The following RANGAP1 variants were observed in gnomAD, a reference collection of about 807,000 sequenced individuals.
The protein encoded by RANGAP1 is ran GTPase-activating protein 1.
A neutral mutation model predicts 63.5 loss-of-function variants in RANGAP1; 38 were observed. The observed-to-expected ratio is 0.60, with a 90% CI of 0.46 to 0.78. The LOEUF is 0.78. RANGAP1 is among the 30% of genes least tolerant of loss of function. RANGAP1 has a pLI of 0.00. For missense variants in RANGAP1, 630 were observed against 740.3 expected (o/e 0.85, Z 1.73); for synonymous variants, 329 against 310.5 (o/e 1.06, Z -0.63).
At chr22:41,290,489 A>G (rs958844846), upstream of RANGAP1, among the ~76,000 whole-genome samples, 3 of 152,078 alleles carry the variant, frequency 2.0e-5, no homozygotes, top group African/African-American at 7.2e-5. Context: ...TTGGCTTCCC[A>G]AAGTGCTGGG....
At chr22:41,280,728 T>A (rs1799297185) in intron 2 of RANGAP1, 1 of 1,509,096 alleles carries the variant, frequency 6.6e-7, no homozygotes, top group African/African-American at 1.4e-5. Flanking sequence ...GGATGCCCAA[T>A]ACAAACATGG....
Position 41,264,964 on chromosome 22 carries a change from A to C in RANGAP1, c.301-121T>G, listed in dbSNP as rs577203870. On this transcript the variant is annotated intron_variant, in intron 4 of 15. Coordinates refer to ENST00000356244, the MANE Select transcript of RANGAP1 (RefSeq NM_002883.4). ...ACCCCGGCTGGTGCAGAACCAACAC[A>C]GACACAAACCATTTCAGTATTCTTA... 7.6e-6 allele frequency: 7 copies of C among 920,622 alleles called. No individual in the cohort carries two copies. In the African/African-American group the frequency reaches 1.2e-4, roughly 15 times the overall value. The allele number at this position is 920,622 out of a possible 1,614,324, so 57.0% of individuals were successfully genotyped here. A position where few individuals can be genotyped will look rare whatever the true frequency, so the allele number is the denominator to read the frequency against.
intron 5 of RANGAP1, 78 bp downstream of exon 5, chr22:41,264,586 G>T: frequency 1.4e-6 from 2 of 1,469,058 alleles, no homozygotes; most frequent in Non-Finnish European, 1.8e-6. Context: ...GATGGTGGTG[G>T]CCAAGGGCCA....
intron 6 of RANGAP1, among the ~76,000 whole-genome samples, chr22:41,261,059 G>A (rs2034138561): frequency 6.6e-6 from 1 of 152,178 alleles, no homozygotes; most frequent in Admixed American, 6.5e-5. Flanking sequence ...TCCCTGTCTT[G>A]GAGGTCTGGT....
chr22:41,281,267 G>T, intron 1 of RANGAP1, 185 bp from the exon 2 acceptor site: 1 of 795,894 alleles, frequency 1.3e-6, no homozygotes, highest in Non-Finnish European at 1.8e-6. Flanking sequence ...GGTGCAGGAG[G>T]TAGTAAAAGA....
intron 3 of RANGAP1, among the ~76,000 whole-genome samples, chr22:41,269,887 G>A (rs999430965): frequency 6.6e-6 from 1 of 152,168 alleles, no homozygotes; most frequent in Non-Finnish European, 1.5e-5. Context: ...AGGCTGGAGT[G>A]CAGTGGAGCA....
chr22:41,254,802 C>T (rs572888953), intron 10 of RANGAP1: 10 of 264,702 alleles, frequency 3.8e-5, no homozygotes, highest in Non-Finnish European at 5.3e-5. Flanking sequence ...GAAACCCCGT[C>T]TCTACTAAAA....
At chr22:41,298,437 C>T in the RANGAP1 span, among the ~76,000 whole-genome samples, 1 of 152,126 alleles carries the variant, frequency 6.6e-6, no homozygotes, top group African/African-American at 2.4e-5. Flanking sequence ...GCCTTAGCCT[C>T]CTGAGGAGCT....
rs549040684 is a variant in RANGAP1 at position 41,281,632 on chromosome 22, G to T, written c.-38-550C>A. 4.5e-5 allele frequency: 44 copies of T among 986,722 alleles called. No individual in the cohort carries two copies. The Admixed American group carries it at 7.3e-4, about 16-fold the overall frequency. The allele number at this position is 986,722 out of a possible 1,614,324, so 61.1% of individuals were successfully genotyped here. A position where few individuals can be genotyped will look rare whatever the true frequency, so the allele number is the denominator to read the frequency against. On this transcript the variant is annotated intron_variant, in intron 1 of 15. Transcript: ENST00000356244. ...TGCACGTCTGGTTTCAACCGTGGCC[G>T]GGAGACTGGGCAGGCCACAATGGCC...
the RANGAP1 span, among the ~76,000 whole-genome samples, chr22:41,301,181 G>A: frequency 6.6e-6 from 1 of 152,050 alleles, no homozygotes; most frequent in Non-Finnish European, 1.5e-5. Flanking sequence ...AGGGCACAAC[G>A]CAACCAGGGT....
At chr22:41,296,206 C>A in the RANGAP1 span, among the ~76,000 whole-genome samples, 1 of 151,876 alleles carries the variant, frequency 6.6e-6, no homozygotes, top group South Asian at 2.1e-4. Flanking sequence ...AAAATAATAA[C>A]CTAAGCAAAT....
In RANGAP1 at chr22:41,257,752, G is replaced by A. The variant is rs993565565; in HGVS notation, c.774+196C>T. 1.3e-5 allele frequency among the ~76,000 whole-genome samples: 2 copies of A among 152,246 alleles called. No homozygotes were observed. Among genetic ancestry groups the A allele is most frequent in the South Asian group, 2.1e-4 (1 of 4,830 alleles). ...GTGGCATGAAGAATCAGAGCTGCCC[G>A]AGGAGGGCGTGGGTTACCTTGGGAC... is the stretch of plus-strand genomic sequence containing the variant. On this transcript the variant is annotated intron_variant, in intron 7 of 15. Transcript: ENST00000356244. The surrounding 1 kb of genome is among the most constrained non-coding windows in gnomAD (Gnocchi z 4.0).
intron 10 of RANGAP1, 42 bp downstream of exon 10, chr22:41,255,979 A>G: frequency 6.4e-7 from 1 of 1,563,936 alleles, no homozygotes. Context: ...AAAGAAAGGA[A>G]TGGCCTGACC....
intron 13 of RANGAP1, 23 bp from the exon 14 acceptor site, chr22:41,249,840 G>C: frequency 6.3e-7 from 1 of 1,593,434 alleles, no homozygotes; most frequent in Non-Finnish European, 8.6e-7. Context: ...AGCAGCAGGG[G>C]CAGGCTGCTG....
At chr22:41,249,695 T>C in intron 14 of RANGAP1, 34 bp downstream of exon 14, 1 of 1,588,592 alleles carries the variant, frequency 6.3e-7, no homozygotes, top group South Asian at 1.1e-5. Context: ...CCCACCCACC[T>C]CCCTCCCGGG....
intron 3 of RANGAP1, among the ~76,000 whole-genome samples, chr22:41,274,119 T>G (rs1329103500): frequency 6.6e-6 from 1 of 152,148 alleles, no homozygotes; most frequent in African/African-American, 2.4e-5. Flanking sequence ...GCGAGGAGTG[T>G]AGGGAGCTGG....
In RANGAP1 at chr22:41,274,612, C is replaced by G; in HGVS notation, c.228G>C (p.Lys76Asn). 1 of 1,614,104 alleles carries G rather than the reference C, an allele frequency of 6.2e-7. No homozygotes were observed. Among genetic ancestry groups the G allele is most frequent in the Non-Finnish European group, 8.5e-7 (1 of 1,179,974 alleles). The change falls in exon 3 of 16, where the codon AAG becomes AAC. Residue 76 changes from lysine to asparagine, a missense_variant. Physicochemically the swap from Lys to Asn is moderately conservative, Grantham distance 94. Transcript: ENST00000356244. ...ARVIAKALEK[K>N]SELKRCHWSD... ...CCACTCTGCTCACCTTCAACTCCGA[C>G]TTCTTCTCTAAGGCCTTGGCGATGA...
At chr22:41,261,684 G>A (rs544686567) in intron 5 of RANGAP1, 104 bp from the exon 6 acceptor site, 77 of 1,449,046 alleles carry the variant, frequency 5.3e-5, no homozygotes, top group African/African-American at 8.4e-5. Context: ...GCCACCCATC[G>A]GTGCAGGTCA....
chr22:41,286,386 T>G (rs1360959276), upstream of RANGAP1: 1 of 152,312 alleles, frequency 6.6e-6, no homozygotes, highest in Non-Finnish European at 1.5e-5. Context: ...CAGAGCGTCC[T>G]CCACCGCCCT....
Sources: allele counts gnomAD v4.1 joint callset (sites outside exome capture counted in the v4.1 genomes callset), GRCh38; gene constraint gnomAD v4.1.1; non-coding constraint Gnocchi (gnomAD v3.1); transcripts MANE v1.5; gene names NCBI Gene and HGNC (gene_info 2026-07-23, HGNC 2026-07-21).